The following AGBL4 variants were observed in gnomAD, a reference collection of about 807,000 sequenced individuals.
The protein encoded by AGBL4 is AGBL carboxypeptidase 4.
A neutral mutation model predicts 66.4 loss-of-function variants in AGBL4; 58 were observed. That is an observed-to-expected ratio of 0.87 (90% CI 0.71 to 1.09). AGBL4 has a LOEUF of 1.09. Ranked by LOEUF, AGBL4 falls within the 50% of genes least tolerant of loss-of-function variation. AGBL4 has a pLI of 0.00. For missense variants in AGBL4, 579 were observed against 631.0 expected (o/e 0.92, Z 0.88); for synonymous variants, 234 against 222.9 (o/e 1.05, Z -0.44).
intron 6 of AGBL4, among the ~76,000 whole-genome samples, chr1:48,728,482 CT>C (rs11441549): frequency 0.16 from 22,333 of 136,996 alleles, 2,087 homozygotes; most frequent in East Asian, 0.33. Flanking sequence ...TTCTGACTTG[CT>C]TTTTTTTTTT....
At chr1:48,806,195 T>C (rs1645919882) in intron 6 of AGBL4, among the ~76,000 whole-genome samples, 1 of 152,208 alleles carries the variant, frequency 6.6e-6, no homozygotes. Context: ...CCTTTCTTCA[T>C]AACCTTGGAA....
chr1:49,896,887 G>C (rs1301834451), intron 1 of AGBL4, among the ~76,000 whole-genome samples: 1 of 151,700 alleles, frequency 6.6e-6, no homozygotes, highest in Non-Finnish European at 1.5e-5. Flanking sequence ...ATGCTGAAAA[G>C]GCATTTGATA....
At chr1:49,649,742 C>T (rs1035401864) in intron 3 of AGBL4, among the ~76,000 whole-genome samples, 1 of 151,900 alleles carries the variant, frequency 6.6e-6, no homozygotes, top group Non-Finnish European at 1.5e-5. Flanking sequence ...TCATTTGGAG[C>T]CATAAAACAT....
At chr1:48,830,450 C>A (rs906957336) in intron 6 of AGBL4, among the ~76,000 whole-genome samples, 1 of 152,176 alleles carries the variant, frequency 6.6e-6, no homozygotes, top group Non-Finnish European at 1.5e-5. Context: ...TAGCTTAGTG[C>A]CAAACTATTG....
At chr1:48,657,771 T>G (rs1646043684) in intron 7 of AGBL4, among the ~76,000 whole-genome samples, 1 of 152,066 alleles carries the variant, frequency 6.6e-6, no homozygotes, top group Non-Finnish European at 1.5e-5. Context: ...ATAAATGAGA[T>G]TAAGTTTCTG....
At chr1:49,863,279 A>G (rs1014835226) in intron 1 of AGBL4, among the ~76,000 whole-genome samples, 1 of 152,182 alleles carries the variant, frequency 6.6e-6, no homozygotes, top group Non-Finnish European at 1.5e-5. Context: ...ATATACAAAA[A>G]ATCAAATCAA....
intron 4 of AGBL4, among the ~76,000 whole-genome samples, chr1:49,203,627 T>C (rs936485047): frequency 5.3e-5 from 8 of 152,134 alleles, no homozygotes; most frequent in Middle Eastern, 3.4e-3. Flanking sequence ...AAATGGGAAG[T>C]TGTTGTTTAA....
At chr1:49,491,437 A>T (rs1346148794) in intron 3 of AGBL4, among the ~76,000 whole-genome samples, 1 of 151,898 alleles carries the variant, frequency 6.6e-6, no homozygotes, top group Non-Finnish European at 1.5e-5. Context: ...AAAGAAAGAA[A>T]AAAATGGCAT....
chr1:48,909,666 A>G (rs1049245799), intron 5 of AGBL4, among the ~76,000 whole-genome samples: 4 of 152,206 alleles, frequency 2.6e-5, no homozygotes, highest in Admixed American at 6.5e-5. Flanking sequence ...TTGCTCGGGA[A>G]AAAAACAGTG....
intron 5 of AGBL4, among the ~76,000 whole-genome samples, chr1:48,953,672 C>T (rs1440780622): frequency 6.6e-6 from 1 of 152,142 alleles, no homozygotes; most frequent in Non-Finnish European, 1.5e-5. Context: ...TTCAGTTGCA[C>T]AGACTTCTAT....
intron 3 of AGBL4, among the ~76,000 whole-genome samples, chr1:49,372,655 CTT>C (rs1194034494): frequency 2.4e-5 from 3 of 123,102 alleles, no homozygotes; most frequent in African/African-American, 3.7e-5. Flanking sequence ...TTCTTTCTTT[CTT>C]TCTTTCTTTC....
chr1:48,643,196 T>C (rs529481817), intron 8 of AGBL4, among the ~76,000 whole-genome samples: 5 of 152,290 alleles, frequency 3.3e-5, no homozygotes, highest in African/African-American at 1.2e-4. Flanking sequence ...TCTTACACTA[T>C]GTTGTCAATC....
intron 4 of AGBL4, among the ~76,000 whole-genome samples, chr1:49,213,709 T>C (rs1402926436): frequency 1.3e-5 from 2 of 152,070 alleles, no homozygotes; most frequent in East Asian, 3.9e-4. Flanking sequence ...AACAGCCTAA[T>C]ATAATATACA....
intron 3 of AGBL4, among the ~76,000 whole-genome samples, chr1:49,369,052 C>A (rs1644292394): frequency 1.3e-5 from 2 of 152,042 alleles, no homozygotes; most frequent in Non-Finnish European, 2.9e-5. Flanking sequence ...CCACTGTACT[C>A]CAGCCTGGGC....
chr1:49,034,390 T>C (rs1438392488), intron 5 of AGBL4, among the ~76,000 whole-genome samples: 3 of 152,216 alleles, frequency 2.0e-5, no homozygotes, highest in African/African-American at 4.8e-5. Flanking sequence ...AACCCAGAGA[T>C]TGATATAAAA....
intron 3 of AGBL4, among the ~76,000 whole-genome samples, chr1:49,509,725 T>G (rs1649031745): frequency 6.6e-6 from 1 of 152,036 alleles, no homozygotes; most frequent in Non-Finnish European, 1.5e-5. Flanking sequence ...TCTCAATTTT[T>G]CTGCTTACAA....
chr1:48,699,064 G>A (rs999036038), intron 6 of AGBL4, among the ~76,000 whole-genome samples: 7 of 152,142 alleles, frequency 4.6e-5, no homozygotes, highest in African/African-American at 1.4e-4. Context: ...GGTCTCTCAT[G>A]CCTGCCTCTA....
At chr1:49,070,050 T>C (rs565969096) in intron 4 of AGBL4, among the ~76,000 whole-genome samples, 1 of 151,946 alleles carries the variant, frequency 6.6e-6, no homozygotes, top group Non-Finnish European at 1.5e-5. Flanking sequence ...TATTGGTGTA[T>C]AAGAATGCTT....
intron 3 of AGBL4, among the ~76,000 whole-genome samples, chr1:49,601,537 G>C (rs970847294): frequency 6.6e-6 from 1 of 152,034 alleles, no homozygotes; most frequent in Non-Finnish European, 1.5e-5. Context: ...AGAGATCTCA[G>C]AAATACCACC....
Sources: gnomAD v4.1 joint callset for allele counts (sites outside exome capture counted in the v4.1 genomes callset) on GRCh38, gnomAD v4.1.1 for gene constraint, MANE v1.5 for transcripts, NCBI Gene and HGNC (gene_info 2026-07-23, HGNC 2026-07-21) for gene names.